Variants in ADGRV1 observed in about 807,000 individuals in gnomAD.
The protein encoded by ADGRV1 is adhesion G protein-coupled receptor V1.
Under a neutral mutation model 596.2 loss-of-function variants are expected in ADGRV1, and 359 were observed. The ratio of observed to expected loss-of-function variants is 0.60; its 90% CI spans 0.55 to 0.66. The LOEUF (loss-of-function observed/expected upper bound fraction) is 0.66, where lower values mean the gene tolerates loss of function less well. Ranked by LOEUF, ADGRV1 falls within the 30% of genes least tolerant of loss-of-function variation. ADGRV1 has a pLI of 0.00. For missense variants in ADGRV1, 7,274 were observed against 7,575.6 expected, an observed-to-expected ratio of 0.96 and a Z score of 1.48; for synonymous variants, 2,681 against 2,679.2, an observed-to-expected ratio of 1.00 and a Z score of -0.02.
intron 79 of ADGRV1, among the ~76,000 whole-genome samples, chr5:90,851,134 T>TGTGTGTGTGTGTGAGAGAGA (rs757909771): frequency 0.011 from 895 of 81,444 alleles, 24 homozygotes; most frequent in Non-Finnish European, 0.019. Context: ...TGTGTGTGTG[T>TGTGTGTGTGTGTGAGAGAGA]GAGAGAGAGA....
In ADGRV1 at chr5:90,813,132, CAAAAAAAAAAAAAA is replaced by C. The variant is rs5869522; in HGVS notation, c.16078+1813_16078+1826del. ...TGGGCGACAGAGTAAGACTCCGTCT[CAAAAAAAAAAAAAA>C]AAAAAAAAAAAAAAAAAATTTATTT... is the stretch of plus-strand genomic sequence containing the variant. On this transcript the variant is annotated intron_variant, in intron 74 of 89. Transcript: ENST00000405460. Among the ~76,000 whole-genome samples, 15 of 34,922 alleles carry C rather than the reference CAAAAAAAAAAAAAA, an allele frequency of 4.3e-4. 1 individual carries two copies. The highest frequency in any genetic ancestry group is 2.0e-3 in the South Asian group (1 of 500). 22.9% of individuals were successfully genotyped at this position (34,922 alleles called of 152,430 possible). A position where few individuals can be genotyped will look rare whatever the true frequency, so the allele number is the denominator to read the frequency against.
intron 70 of ADGRV1, 52 bp downstream of exon 70, chr5:90,791,398 A>G: frequency 1.5e-6 from 2 of 1,317,102 alleles, no homozygotes; most frequent in East Asian, 2.5e-5. Context: ...CCCTTTCAGG[A>G]GTGCCCATGC....
intron 1 of ADGRV1, among the ~76,000 whole-genome samples, chr5:90,571,270 T>C (rs1756493884): frequency 6.6e-6 from 1 of 152,028 alleles, no homozygotes; most frequent in Admixed American, 6.5e-5. Flanking sequence ...TGTTGAAGAA[T>C]ACCTTTAGCA....
intron 81 of ADGRV1, 76 bp from the exon 82 acceptor site, chr5:90,855,665 A>G (rs764467114): frequency 5.1e-6 from 5 of 988,612 alleles, no homozygotes; most frequent in South Asian, 3.9e-5. Flanking sequence ...TCAGTAAGCT[A>G]TTTTTCTTTA....
chr5:90,980,571 A>C (rs1317486049), intron 84 of ADGRV1, among the ~76,000 whole-genome samples: 1 of 152,202 alleles, frequency 6.6e-6, no homozygotes. Context: ...ACATTTTAAA[A>C]GCTTAGAAAC....
At chr5:90,687,351 C>T (rs1158091911) in intron 29 of ADGRV1, among the ~76,000 whole-genome samples, 2 of 152,080 alleles carry the variant, frequency 1.3e-5, no homozygotes, top group Admixed American at 6.5e-5. Flanking sequence ...TTAGGTCTAA[C>T]GTTTAAGTCT....
At chr5:90,667,383 T>C (rs1270380680) in intron 21 of ADGRV1, among the ~76,000 whole-genome samples, 1 of 147,918 alleles carries the variant, frequency 6.8e-6, no homozygotes, top group Admixed American at 6.9e-5. Flanking sequence ...GCTGATACCT[T>C]TTCTTCCAGT....
intron 21 of ADGRV1, among the ~76,000 whole-genome samples, chr5:90,659,292 A>G (rs16868956): frequency 0.012 from 1,803 of 152,294 alleles, 34 homozygotes; most frequent in African/African-American, 0.041. Context: ...CTATCAAAGA[A>G]CTTCTACATA....
chr5:90,613,733 T>A (rs149723632), intron 1 of ADGRV1, among the ~76,000 whole-genome samples: 1 of 152,238 alleles, frequency 6.6e-6, no homozygotes, highest in East Asian at 1.9e-4. Flanking sequence ...GACTGCATTG[T>A]CTGTATATAC....
intron 83 of ADGRV1, among the ~76,000 whole-genome samples, chr5:90,877,279 TG>T (rs150948343): frequency 0.027 from 4,130 of 152,268 alleles, 108 homozygotes; most frequent in South Asian, 0.14. Context: ...GCAAGGAATC[TG>T]GGTTGGTTCA....
intron 87 of ADGRV1, among the ~76,000 whole-genome samples, chr5:91,144,401 G>A (rs561146996): frequency 1.3e-5 from 2 of 152,294 alleles, no homozygotes; most frequent in African/African-American, 2.4e-5. Context: ...AACCTCTTGG[G>A]CTCAAGCAAT....
chr5:91,133,970 G>A (rs1166416812), intron 87 of ADGRV1, among the ~76,000 whole-genome samples: 1 of 152,126 alleles, frequency 6.6e-6, no homozygotes, highest in Non-Finnish European at 1.5e-5. Context: ...ACTGACTTCA[G>A]TTCCATAAAC....
At chr5:90,932,957 C>T (rs75026164) in intron 83 of ADGRV1, among the ~76,000 whole-genome samples, 2,205 of 152,258 alleles carry the variant, frequency 0.014, 44 homozygotes, top group African/African-American at 0.051. Flanking sequence ...GATATGCAGG[C>T]CCCACGTATA....
intron 1 of ADGRV1, among the ~76,000 whole-genome samples, chr5:90,586,192 A>G (rs917077568): frequency 6.6e-6 from 1 of 152,220 alleles, no homozygotes; most frequent in Non-Finnish European, 1.5e-5. Flanking sequence ...TAGAATTAGC[A>G]ATTATCAAGA....
intron 85 of ADGRV1, among the ~76,000 whole-genome samples, chr5:91,027,144 A>AACACACACACACACACACACACAC (rs1184010778): frequency 2.3e-5 from 3 of 129,218 alleles, no homozygotes; most frequent in Non-Finnish European, 3.3e-5. Flanking sequence ...ACAGTCTCAA[A>AACACACACACACACACACACACAC]ACACACACAC....
At chr5:90,809,944 A>T (rs1762282333) in intron 73 of ADGRV1, among the ~76,000 whole-genome samples, 1 of 152,228 alleles carries the variant, frequency 6.6e-6, no homozygotes. Context: ...TGATTTTCAC[A>T]TCCCTCAGAC....
chr5:90,830,002 G>C (rs1421544444), intron 77 of ADGRV1, among the ~76,000 whole-genome samples: 1 of 152,024 alleles, frequency 6.6e-6, no homozygotes, highest in African/African-American at 2.4e-5. Context: ...GAATCCTTGG[G>C]CCTTAAGATT....
At chr5:90,706,175 A>C in intron 37 of ADGRV1, 56 bp from the exon 38 acceptor site, 1 of 1,501,742 alleles carries the variant, frequency 6.7e-7, no homozygotes, top group South Asian at 1.3e-5. Context: ...TCACAAGGGG[A>C]TATTATTGTA....
At chr5:90,694,835 A>T (rs1746983667) in intron 33 of ADGRV1, 134 bp downstream of exon 33, 3 of 801,582 alleles carry the variant, frequency 3.7e-6, no homozygotes, top group Non-Finnish European at 5.6e-6. Context: ...GCTTTAGAAA[A>T]AAATAGAAGT....
Sources: gnomAD v4.1 joint callset for allele counts (sites outside exome capture counted in the v4.1 genomes callset) on GRCh38, gnomAD v4.1.1 for gene constraint, MANE v1.5 for transcripts, NCBI Gene and HGNC (gene_info 2026-07-23, HGNC 2026-07-21) for gene names.